Variants in TRRAP observed in about 807,000 individuals in gnomAD.
TRRAP encodes transformation/transcription domain-associated protein.
Under a neutral mutation model 438.8 loss-of-function variants are expected in TRRAP, and 41 were observed. That is an observed-to-expected ratio of 0.09 (90% CI 0.07 to 0.12). TRRAP has a LOEUF of 0.12. Ranked by LOEUF, TRRAP falls within the 10% of genes least tolerant of loss-of-function variation. The probability of loss-of-function intolerance (pLI) is 1.00; values close to 1 mark genes in which losing one functional copy is unlikely to be tolerated. For synonymous variants in TRRAP, 1,994 were observed against 1,962.9 expected, an observed-to-expected ratio of 1.02 and a Z score of -0.42; for missense variants, 3,122 against 5,055.1, an observed-to-expected ratio of 0.62 and a Z score of 11.60.
intron 49 of TRRAP, among the ~76,000 whole-genome samples, 194 bp downstream of exon 49, chr7:98,966,089 A>C (rs565111222): frequency 1.3e-5 from 2 of 152,170 alleles, no homozygotes; most frequent in South Asian, 4.2e-4. Context: ...GACAGATCAC[A>C]AGGTCAGGAG....
rs1433873696 is a variant in TRRAP at position 98,943,033 on chromosome 7, G to A, written c.4473+16G>A. 6.2e-7 allele frequency: 1 copy of A among 1,613,786 alleles called. No individual in the cohort carries two copies. Among genetic ancestry groups the A allele is most frequent in the Non-Finnish European group, 8.5e-7 (1 of 1,179,934 alleles). ...CGACGGAAACGTGAGTGACTTGTTT[G>A]TTTCTGGGAAGGGCACCAGCCGCCA... is the stretch of plus-strand genomic sequence containing the variant. On this transcript the variant is annotated intron_variant, in intron 31 of 72. Transcript: ENST00000456197.
In TRRAP at chr7:98,988,044, C is replaced by T. The variant is rs188256980; in HGVS notation, c.9390-721C>T. On this transcript the variant is annotated intron_variant, in intron 62 of 72. Coordinates refer to ENST00000456197, the MANE Select transcript of TRRAP (RefSeq NM_001375524.1). Reference sequence around the variant, plus strand: ...ACCACCCTTATTGCTGGGATAAATCCCACTTGGTCATGATGGATAATCCTT... The same window carrying T: ...ACCACCCTTATTGCTGGGATAAATCTCACTTGGTCATGATGGATAATCCTT... Among the ~76,000 whole-genome samples, 13 of 152,070 alleles carry T rather than the reference C, an allele frequency of 8.5e-5. No individual in the cohort carries two copies. The East Asian group carries it at 2.3e-3, about 27-fold the overall frequency.
chr7:98,979,162 G>T (rs2116742531), intron 58 of TRRAP, among the ~76,000 whole-genome samples: 1 of 152,326 alleles, frequency 6.6e-6, no homozygotes, highest in South Asian at 2.1e-4. Flanking sequence ...GTTGACTTCT[G>T]GTTTGGGACC....
intron 8 of TRRAP, 65 bp from the exon 9 acceptor site, chr7:98,899,343 TGATGCTCAGTGGGC>T (rs1554406269): frequency 8.7e-7 from 1 of 1,148,860 alleles, no homozygotes; most frequent in African/African-American, 1.5e-5. Context: ...TTTCAGTGGG[TGATGCTCAGTGGGC>T]ACTGGTGGGG....
chr7:98,952,848 T>C (rs1227761999), intron 39 of TRRAP, among the ~76,000 whole-genome samples: 1 of 152,152 alleles, frequency 6.6e-6, no homozygotes, highest in African/African-American at 2.4e-5. Flanking sequence ...CGTTAACCTT[T>C]CATCTGTAGC....
At chr7:98,896,130 G>C (rs1419776448) in intron 7 of TRRAP, among the ~76,000 whole-genome samples, 2 of 152,278 alleles carry the variant, frequency 1.3e-5, no homozygotes, top group East Asian at 1.9e-4. Context: ...TGGAGGTTTT[G>C]CTTTTGGTTT....
At chr7:98,924,613 CG>C (rs1218750601) in intron 21 of TRRAP, among the ~76,000 whole-genome samples, 2 of 141,834 alleles carry the variant, frequency 1.4e-5, no homozygotes. Flanking sequence ...GGCGTGAACC[CG>C]GGAGGCAGAG....
At chr7:98,950,005 G>A in intron 37 of TRRAP, 59 bp from the exon 38 acceptor site, 4 of 1,605,372 alleles carry the variant, frequency 2.5e-6, no homozygotes, top group South Asian at 2.2e-5. Flanking sequence ...CAAGTCAGAG[G>A]CGTAGTTGTT....
In TRRAP at chr7:98,927,151, T is replaced by G; in HGVS notation, c.2976-16T>G. On this transcript the variant is annotated splice_polypyrimidine_tract_variant and intron_variant, in intron 22 of 72. Transcript: ENST00000456197. ...GAGTTGGGTGTCGTGACACCAGATCTGATTTTGCCTTTCAGCTTTACAGAA... is the reference window on the plus strand; with the variant it reads ...GAGTTGGGTGTCGTGACACCAGATCGGATTTTGCCTTTCAGCTTTACAGAA... 1 of 1,614,216 alleles carries G rather than the reference T, an allele frequency of 6.2e-7. No homozygotes were observed. The highest frequency in any genetic ancestry group is 2.2e-5 in the East Asian group (1 of 44,888).
Position 98,945,227 on chromosome 7 carries a change from C to G in TRRAP, c.4474-520C>G, listed in dbSNP as rs116684317. On this transcript the variant is annotated intron_variant, in intron 31 of 72. Coordinates refer to ENST00000456197, the MANE Select transcript of TRRAP (RefSeq NM_001375524.1). ...CGTGACCACTTGTTATGTGTATGCACACATACATGCGTGCACACACACACC... is the reference window on the plus strand; with the variant it reads ...CGTGACCACTTGTTATGTGTATGCAGACATACATGCGTGCACACACACACC... 5.9e-3 allele frequency among the ~76,000 whole-genome samples: 892 copies of G among 152,268 alleles called. 7 individuals are homozygous for G. The highest frequency in any genetic ancestry group is 0.021 in the African/African-American group (856 of 41,538).
Position 98,908,834 on chromosome 7 carries a change from G to A in TRRAP, c.1222G>A (p.Asp408Asn), listed in dbSNP as rs782486038. 1.2e-5 allele frequency: 20 copies of A among 1,612,982 alleles called. No homozygotes were observed. The highest frequency in any genetic ancestry group is 3.3e-5 in the South Asian group (3 of 90,766). Residue 408 changes from aspartate (D) to asparagine (N), a missense_variant, in exon 14 of 73, where the codon GAT (aspartate) becomes AAT (asparagine). Around this residue, in one of 24 missense-constraint regions of TRRAP, gnomAD observed 343 missense variants for 564.0 expected, o/e 0.61. Transcript: ENST00000456197. This position sits in a 1 kb window ranked among gnomAD's most constrained non-coding sequence, Gnocchi z 4.1. The stretch of plus-strand genomic sequence containing the variant: ...CCAGCTCTTCGCCAAGAACATCGAC[G>A]ATGAGTCCCTGCCCAGCAGCATCCA... ...AVQLFAKNID[D>N]ESLPSSIQTM...
In TRRAP at chr7:98,949,533, G is replaced by A. The variant is rs181872886; in HGVS notation, c.4905G>A (p.Ser1635=). 112 of 1,602,916 alleles carry A rather than the reference G, an allele frequency of 7.0e-5. No individual in the cohort carries two copies. The highest frequency in any genetic ancestry group is 3.9e-4 in the African/African-American group (29 of 74,354). Residue 1635 remains serine (S), a synonymous_variant, in exon 36 of 73, where the codon TCG becomes TCA. Coordinates refer to ENST00000456197, the MANE Select transcript of TRRAP (RefSeq NM_001375524.1). ...GGAQTAVRPG[S]PSTSTMRLDL... ...CCCAGACGGCTGTGCGCCCCGGTTC[G>A]CCCAGCACCAGCACCATGCGCCTGG...
chr7:98,954,067 A>G (rs1791475035), intron 40 of TRRAP, among the ~76,000 whole-genome samples: 1 of 152,246 alleles, frequency 6.6e-6, no homozygotes, highest in African/African-American at 2.4e-5. Flanking sequence ...AGCCAAAGAC[A>G]ATAGGTACTT....
At chr7:98,909,909 A>G in intron 14 of TRRAP, 147 bp from the exon 15 acceptor site, 1 of 1,411,104 alleles carries the variant, frequency 7.1e-7, no homozygotes, top group East Asian at 2.5e-5. Context: ...CAAAAACTGC[A>G]ATTCCTTTGA....
chr7:98,915,261 C>T (rs189695486), intron 18 of TRRAP, among the ~76,000 whole-genome samples: 283 of 152,050 alleles, frequency 1.9e-3, no homozygotes, highest in African/African-American at 6.1e-3. Flanking sequence ...GGTGCCATCT[C>T]GGCTCACTGC....
intron 10 of TRRAP, among the ~76,000 whole-genome samples, chr7:98,900,074 C>A (rs1457682567): frequency 6.6e-6 from 1 of 152,270 alleles, no homozygotes; most frequent in East Asian, 1.9e-4. Flanking sequence ...TTTGTTCTTG[C>A]TGATTGTTCA....
chr7:98,927,501 A>G (rs898941800), intron 23 of TRRAP, 135 bp downstream of exon 23: 7 of 1,189,880 alleles, frequency 5.9e-6, no homozygotes, highest in Admixed American at 5.6e-5. Flanking sequence ...TTATTTTCCA[A>G]TTTTCCATTT....
intron 30 of TRRAP, among the ~76,000 whole-genome samples, chr7:98,938,753 AAGAC>A (rs1554414895): frequency 1.3e-5 from 2 of 152,234 alleles, no homozygotes; most frequent in Non-Finnish European, 2.9e-5. Flanking sequence ...GATGCACTGA[AAGAC>A]TTGTTCATAA....
At position 98,897,840 on chromosome 7, in the gene TRRAP, G is replaced by A. The variant is rs1241620761; in HGVS notation, c.607G>A (p.Glu203Lys). The change falls in exon 8 of 73, where the codon GAG (glutamate) becomes AAG (lysine). Residue 203 changes from glutamate to lysine, a missense_variant. This residue lies in a region of TRRAP where 343 missense variants were observed against 564.0 expected (regional missense o/e 0.61). Coordinates refer to ENST00000456197, the MANE Select transcript of TRRAP (RefSeq NM_001375524.1). Reference sequence around the variant, plus strand: ...AACGATTGCTGTGAAAGTCAACCCGGAGCGTGAGGACAGTGAGACTCGAAC... The same window carrying A: ...AACGATTGCTGTGAAAGTCAACCCGAAGCGTGAGGACAGTGAGACTCGAAC... ...ITTIAVKVNP[E>K]REDSETRTHS... 1 of 1,613,986 alleles carries A rather than the reference G, an allele frequency of 6.2e-7. No individual in the cohort carries two copies. Among genetic ancestry groups the A allele is most frequent in the Non-Finnish European group, 8.5e-7 (1 of 1,180,020 alleles).
Sources: allele counts gnomAD v4.1 joint callset (sites outside exome capture counted in the v4.1 genomes callset), GRCh38; gene constraint gnomAD v4.1.1; regional missense constraint gnomAD v4.1.1; non-coding constraint Gnocchi (gnomAD v3.1); transcripts MANE v1.5; gene names NCBI Gene and HGNC (gene_info 2026-07-23, HGNC 2026-07-21).